PSMA8: variants seen among roughly 807,000 people sequenced by gnomAD.
PSMA8 encodes proteasome 20S subunit alpha 8.
Under a neutral mutation model 32.4 loss-of-function variants are expected in PSMA8, and 18 were observed. That is an observed-to-expected ratio of 0.56 (90% CI 0.38 to 0.82). The LOEUF (loss-of-function observed/expected upper bound fraction) is 0.82, where lower values mean the gene tolerates loss of function less well. Ranked by LOEUF, PSMA8 falls within the 40% of genes least tolerant of loss-of-function variation. The pLI, the probability that PSMA8 is intolerant of heterozygous loss-of-function variation, is 0.00. For missense variants in PSMA8, 298 were observed against 300.7 expected (o/e 0.99, Z 0.07); for synonymous variants, 104 against 98.1 (o/e 1.06, Z -0.36).
chr18:26,135,524 T>G (rs1456268478), intron 1 of PSMA8, among the ~76,000 whole-genome samples: 3 of 152,192 alleles, frequency 2.0e-5, no homozygotes, highest in African/African-American at 4.8e-5. Context: ...CCACTAGTTT[T>G]GCTTCTGTTT....
chr18:26,171,099 T>C, intron 4 of PSMA8: 11 of 1,559,686 alleles, frequency 7.1e-6, no homozygotes, highest in Non-Finnish European at 9.4e-6. Flanking sequence ...TCGATTCTTC[T>C]CAGGAATGGA....
intron 4 of PSMA8, among the ~76,000 whole-genome samples, chr18:26,162,496 A>T (rs2055143137): frequency 1.3e-5 from 2 of 152,176 alleles, no homozygotes; most frequent in South Asian, 2.1e-4. Context: ...CATTAAATTA[A>T]CTAAAAACTC....
At chr18:26,152,974 T>C (rs1297020047) in intron 3 of PSMA8, among the ~76,000 whole-genome samples, 1 of 152,194 alleles carries the variant, frequency 6.6e-6, no homozygotes, top group Non-Finnish European at 1.5e-5. Context: ...CTGTTCTTTA[T>C]ACATTACCTA....
At chr18:26,156,633 C>T (rs1001888039) in intron 3 of PSMA8, among the ~76,000 whole-genome samples, 1 of 149,042 alleles carries the variant, frequency 6.7e-6, no homozygotes, top group African/African-American at 2.5e-5. Flanking sequence ...TAGAGAATAG[C>T]ATACTGTGTG....
intron 4 of PSMA8, among the ~76,000 whole-genome samples, chr18:26,166,379 A>G (rs1343672350): frequency 2.6e-5 from 4 of 152,206 alleles, no homozygotes; most frequent in Non-Finnish European, 5.9e-5. Flanking sequence ...GTGATCATGG[A>G]TAAAATTGCT....
chr18:26,151,718 C>T, intron 2 of PSMA8, 140 bp from the exon 3 acceptor site: 1 of 630,130 alleles, frequency 1.6e-6, no homozygotes, highest in Non-Finnish European at 2.5e-6. Flanking sequence ...CTTTATCTCA[C>T]AAGTCTTTTA....
chr18:26,179,565 T>C (rs1348508155), intron 6 of PSMA8, among the ~76,000 whole-genome samples: 2 of 152,224 alleles, frequency 1.3e-5, no homozygotes, highest in Non-Finnish European at 2.9e-5. Context: ...TTATTATATG[T>C]ATAACGTCTG....
intron 2 of PSMA8, among the ~76,000 whole-genome samples, chr18:26,147,210 C>CAAAAAA (rs57358976): frequency 1.7e-4 from 8 of 48,248 alleles, no homozygotes; most frequent in African/African-American, 4.9e-4. Flanking sequence ...CACCCTGTCT[C>CAAAAAA]AAAAAAAAAA....
At chr18:26,173,109 T>A (rs1419469716) in intron 4 of PSMA8, among the ~76,000 whole-genome samples, 1 of 152,152 alleles carries the variant, frequency 6.6e-6, no homozygotes, top group African/African-American at 2.4e-5. Context: ...CAAAATCCCC[T>A]CTTGCCTCCC....
intron 4 of PSMA8, among the ~76,000 whole-genome samples, chr18:26,163,972 G>A (rs1018106609): frequency 5.9e-5 from 9 of 152,304 alleles, no homozygotes; most frequent in South Asian, 2.1e-4. Flanking sequence ...AGGAGAACTC[G>A]GAGACAAGTG....
chr18:26,186,420 T>C (rs2055355084), intron 6 of PSMA8, among the ~76,000 whole-genome samples: 1 of 152,134 alleles, frequency 6.6e-6, no homozygotes, highest in Non-Finnish European at 1.5e-5. Flanking sequence ...TACTGTATTA[T>C]TAAATTAGAA....
At chr18:26,171,317 C>T in intron 4 of PSMA8, 1 of 1,488,228 alleles carries the variant, frequency 6.7e-7, no homozygotes, top group Non-Finnish European at 8.8e-7. Flanking sequence ...CGAGCCCGCT[C>T]GTTACAGCAG....
At chr18:26,173,906 T>C (rs907372579) in intron 4 of PSMA8, among the ~76,000 whole-genome samples, 2 of 152,038 alleles carry the variant, frequency 1.3e-5, no homozygotes, top group Non-Finnish European at 2.9e-5. Context: ...AATTGAACCT[T>C]ATATACAAGG....
chr18:26,192,546 A>C lies in PSMA8; in HGVS notation c.*135A>C, dbSNP rs1316070659. 1.1e-5 allele frequency: 12 copies of C among 1,050,204 alleles called. No homozygotes were observed. Among genetic ancestry groups the C allele is most frequent in the Non-Finnish European group, 1.5e-5 (12 of 786,582 alleles). The allele number at this position is 1,050,204 out of a possible 1,614,324, so 65.1% of individuals were successfully genotyped here. A position where few individuals can be genotyped will look rare whatever the true frequency, so the allele number is the denominator to read the frequency against. On this transcript the variant is annotated 3_prime_UTR_variant, in exon 7 of 7. Coordinates refer to ENST00000415576, the MANE Select transcript of PSMA8 (RefSeq NM_001025096.2). ...ACTTGTGTGATGTTTTGAGAATGCC[A>C]GATCTGTGGCTGTCTTCATTCTATT...
chr18:26,172,554 T>G (rs1449272532), intron 4 of PSMA8, among the ~76,000 whole-genome samples: 2 of 152,208 alleles, frequency 1.3e-5, no homozygotes. Flanking sequence ...GGAGGTTTCC[T>G]GAGCACAGGG....
At position 26,144,807 on chromosome 18, in the gene PSMA8, A is replaced by G. The variant is rs1223868690; in HGVS notation, c.229+122A>G. ...TGTGGAGTTGTTCTACAAACAATAT[A>G]TCCTACGTTTTAAAGCAAATACTAA... On this transcript the variant is annotated intron_variant, in intron 2 of 6. Coordinates refer to ENST00000415576, the MANE Select transcript of PSMA8 (RefSeq NM_001025096.2). 7 of 858,168 alleles carry G rather than the reference A, an allele frequency of 8.2e-6. No homozygotes were observed. The African/African-American group carries it at 1.2e-4, about 15-fold the overall frequency. 53.2% of individuals were successfully genotyped at this position (858,168 alleles called of 1,614,324 possible). A position where few individuals can be genotyped will look rare whatever the true frequency, so the allele number is the denominator to read the frequency against.
intron 4 of PSMA8, among the ~76,000 whole-genome samples, chr18:26,172,572 G>A (rs1421283676): frequency 1.3e-5 from 2 of 152,070 alleles, no homozygotes; most frequent in African/African-American, 4.8e-5. Context: ...GGGTTAAGCT[G>A]CATATGGAAG....
intron 4 of PSMA8, among the ~76,000 whole-genome samples, chr18:26,161,819 A>C (rs550406848): frequency 3.9e-5 from 6 of 152,304 alleles, no homozygotes; most frequent in African/African-American, 1.4e-4. Context: ...CAAGTAGGGG[A>C]AACTTATATC....
chr18:26,142,214 T>C (rs1417397204), intron 1 of PSMA8, among the ~76,000 whole-genome samples: 1 of 151,972 alleles, frequency 6.6e-6, no homozygotes, highest in Non-Finnish European at 1.5e-5. Flanking sequence ...TGATTTTTTG[T>C]ATTTTTAGTA....
Sources: gnomAD v4.1 joint callset for allele counts (sites outside exome capture counted in the v4.1 genomes callset) on GRCh38, gnomAD v4.1.1 for gene constraint, MANE v1.5 for transcripts, NCBI Gene and HGNC (gene_info 2026-07-23, HGNC 2026-07-21) for gene names.